Variants in MAST4 observed in about 807,000 individuals in gnomAD.
The protein encoded by MAST4 is microtubule associated serine/threonine kinase family member 4.
A neutral mutation model predicts 162.7 loss-of-function variants in MAST4; 89 were observed. The observed-to-expected ratio is 0.55, with a 90% CI of 0.46 to 0.65. MAST4 has a LOEUF of 0.65. Ranked by LOEUF, MAST4 falls within the 30% of genes least tolerant of loss-of-function variation. The pLI is 0.00. For missense variants in MAST4, 3,153 were observed against 3,374.0 expected (o/e 0.93, Z 1.62); for synonymous variants, 1,479 against 1,361.1 (o/e 1.09, Z -1.91).
At chr5:66,711,836 C>T (rs115591326) in intron 1 of MAST4, among the ~76,000 whole-genome samples, 28 of 152,134 alleles carry the variant, frequency 1.8e-4, no homozygotes, top group Admixed American at 1.6e-3. Context: ...CTCTGCCCCC[C>T]ACCCCCCAAA....
At chr5:66,730,851 A>ACCCCTC (rs1414824073) in intron 1 of MAST4, among the ~76,000 whole-genome samples, 6 of 151,692 alleles carry the variant, frequency 4.0e-5, no homozygotes, top group African/African-American at 1.5e-4. Context: ...ACATATACCA[A>ACCCCTC]CCCCTCCCCC....
At chr5:66,622,042 G>T (rs1744109878) in intron 1 of MAST4, among the ~76,000 whole-genome samples, 1 of 152,102 alleles carries the variant, frequency 6.6e-6, no homozygotes, top group Non-Finnish European at 1.5e-5. Flanking sequence ...TTGACCCACA[G>T]TCCTCCTTAG....
At position 67,026,665 on chromosome 5, in the gene MAST4, C is replaced by T. The variant is rs1296383898; in HGVS notation, c.675-27739C>T. Among the ~76,000 whole-genome samples the T allele has an allele frequency of 3.9e-5, 6 of 152,174 alleles. No homozygotes were observed. The East Asian group carries it at 9.6e-4, about 24-fold the overall frequency. On this transcript the variant is annotated intron_variant, in intron 4 of 28. Transcript: ENST00000403625. ...TTATTGACTCTTCTAGGGTTTCATA[C>T]AGTTTTCTATCATGGTCATTTATGC...
chr5:66,884,809 T>G (rs1052049349), intron 3 of MAST4, among the ~76,000 whole-genome samples: 1 of 152,234 alleles, frequency 6.6e-6, no homozygotes, highest in African/African-American at 2.4e-5. Context: ...TCTTTCCATG[T>G]GTTCCTTGGC....
At position 66,710,693 on chromosome 5, in the gene MAST4, T is replaced by C. The variant is rs565818386; in HGVS notation, c.364-49016T>C. ...TTTGCCAGGAATGTAATTCTTTCTC[T>C]TGTGGACCCGCCGTCTGGGTTGTCA... On this transcript the variant is annotated intron_variant, in intron 1 of 28. Transcript: ENST00000403625. Among the ~76,000 whole-genome samples, 65 of 152,322 alleles carry C rather than the reference T, an allele frequency of 4.3e-4. 1 individual carries two copies. Among genetic ancestry groups the C allele is most frequent in the African/African-American group, 1.5e-3 (61 of 41,580 alleles).
chr5:66,794,523 T>A (rs1755558616), intron 3 of MAST4, among the ~76,000 whole-genome samples: 1 of 152,206 alleles, frequency 6.6e-6, no homozygotes, highest in African/African-American at 2.4e-5. Flanking sequence ...GATGGTATTA[T>A]CCAGAATGGA....
intron 3 of MAST4, among the ~76,000 whole-genome samples, chr5:66,828,416 CA>C (rs1757377013): frequency 1.3e-5 from 2 of 152,140 alleles, no homozygotes; most frequent in African/African-American, 4.8e-5. Flanking sequence ...CTGCCTTTTA[CA>C]GAGGTGTCTG....
intron 4 of MAST4, chr5:66,959,327 T>C (rs1300971722): frequency 1.3e-6 from 1 of 779,450 alleles, no homozygotes; most frequent in Admixed American, 1.7e-5. Flanking sequence ...ATTTTAATGC[T>C]TTCTGCATGG....
At chr5:67,047,341 A>T (rs894221797) in intron 4 of MAST4, among the ~76,000 whole-genome samples, 3 of 151,552 alleles carry the variant, frequency 2.0e-5, no homozygotes, top group African/African-American at 4.9e-5. Context: ...CTCTGCTGGC[A>T]CTCTTCCCTG....
At chr5:66,800,765 C>G (rs1293941250) in intron 3 of MAST4, among the ~76,000 whole-genome samples, 1 of 152,134 alleles carries the variant, frequency 6.6e-6, no homozygotes, top group Admixed American at 6.5e-5. Flanking sequence ...TCTTTTCATT[C>G]TTCTCATTGG....
At chr5:66,875,768 A>G (rs975977242) in intron 3 of MAST4, among the ~76,000 whole-genome samples, 6 of 152,162 alleles carry the variant, frequency 3.9e-5, no homozygotes, top group Admixed American at 1.3e-4. Context: ...TTTTATTAAA[A>G]AATAATTTTA....
At chr5:66,783,124 C>T (rs1352897951) in intron 2 of MAST4, among the ~76,000 whole-genome samples, 3 of 152,182 alleles carry the variant, frequency 2.0e-5, no homozygotes, top group South Asian at 2.1e-4. Context: ...ACAAGACCTA[C>T]GCAAATAACG....
chr5:66,597,161 A>T lies in MAST4; in HGVS notation c.363+143A>T, dbSNP rs564331946. 4,611 of 1,125,494 alleles carry T rather than the reference A, an allele frequency of 4.1e-3. 106 individuals carry two copies. In the South Asian group the frequency reaches 0.058, roughly 14 times the overall value. The allele number at this position is 1,125,494 out of a possible 1,614,324, so 69.7% of individuals were successfully genotyped here. On this transcript the variant is annotated intron_variant, in intron 1 of 28. Transcript: ENST00000403625. Reference sequence around the variant, plus strand: ...CCAAGCGCTCTGCCCCGAGCACGGGACAACGATAGTTAGGAGCCCCCCTGT... The same window carrying T: ...CCAAGCGCTCTGCCCCGAGCACGGGTCAACGATAGTTAGGAGCCCCCCTGT...
At position 66,959,123 on chromosome 5, in the gene MAST4, C is replaced by G. The variant is rs529380730; in HGVS notation, c.674+59141C>G. The G allele has an allele frequency of 3.1e-5, 22 of 702,254 alleles. No individual in the cohort carries two copies. In the African/African-American group the frequency reaches 3.7e-4, roughly 12 times the overall value. The allele number at this position is 702,254 out of a possible 1,614,324, so 43.5% of individuals were successfully genotyped here. ...AAGGACCCAAACTTGCAGCCTCCCC[C>G]TCCCCCTCGAGAGAGTGTTAGTCCA... On this transcript the variant is annotated intron_variant, in intron 4 of 28. Transcript: ENST00000403625.
At chr5:66,855,197 G>A (rs1024999962) in intron 3 of MAST4, among the ~76,000 whole-genome samples, 3 of 152,136 alleles carry the variant, frequency 2.0e-5, no homozygotes, top group Non-Finnish European at 2.9e-5. Context: ...CATCCCCTTG[G>A]TGATGAGTGA....
At chr5:67,049,039 ATAC>A (rs1757793086) in intron 4 of MAST4, among the ~76,000 whole-genome samples, 1 of 89,360 alleles carries the variant, frequency 1.1e-5, no homozygotes. Context: ...ATATATATAT[ATAC>A]GTGTATATAT....
intron 1 of MAST4, among the ~76,000 whole-genome samples, chr5:66,734,439 A>G (rs1752042999): frequency 6.6e-6 from 1 of 152,188 alleles, no homozygotes; most frequent in South Asian, 2.1e-4. Context: ...GATCCATTGC[A>G]CTCAAAATTC....
intron 3 of MAST4, among the ~76,000 whole-genome samples, chr5:66,888,690 C>G (rs1376137641): frequency 6.6e-6 from 1 of 152,184 alleles, no homozygotes; most frequent in Non-Finnish European, 1.5e-5. Flanking sequence ...GCAAACTCGT[C>G]CCCTGATGGG....
chr5:66,646,794 T>C (rs886817617), intron 1 of MAST4, among the ~76,000 whole-genome samples: 3 of 152,192 alleles, frequency 2.0e-5, no homozygotes, highest in African/African-American at 7.2e-5. Flanking sequence ...TCCAGAGTGC[T>C]GTAGCCCCAA....
Sources: allele counts gnomAD v4.1 joint callset (sites outside exome capture counted in the v4.1 genomes callset), GRCh38; gene constraint gnomAD v4.1.1; transcripts MANE v1.5; gene names NCBI Gene and HGNC (gene_info 2026-07-23, HGNC 2026-07-21).